RPGRIP1L: variants seen among roughly 807,000 people sequenced by gnomAD.
RPGRIP1L encodes RPGRIP1 like.
Under a neutral mutation model 160.4 loss-of-function variants are expected in RPGRIP1L, and 131 were observed. The observed-to-expected ratio is 0.82, with a 90% CI of 0.71 to 0.94. The LOEUF (loss-of-function observed/expected upper bound fraction) is 0.94, where lower values mean the gene tolerates loss of function less well. RPGRIP1L is among the 40% of genes least tolerant of loss of function. The pLI is 0.00. For missense variants in RPGRIP1L, 1,522 were observed against 1,535.8 expected, an observed-to-expected ratio of 0.99 and a Z score of 0.15; for synonymous variants, 510 against 515.8, an observed-to-expected ratio of 0.99 and a Z score of 0.15.
rs1253902322 is a variant in RPGRIP1L, at chr16:53,668,483, C to T, written c.1103+3027G>A. Among the ~76,000 whole-genome samples, 5 of 152,002 alleles carry T rather than the reference C, an allele frequency of 3.3e-5. No individual in the cohort carries two copies. The East Asian group carries it at 9.6e-4, about 29-fold the overall frequency. ...ATCACATTCAACAGATTTTTTTGGA[C>T]CCAGTCTCAAATTAACTGAATCAGA... On this transcript the variant is annotated intron_variant, in intron 9 of 26. Transcript: ENST00000647211.
chr16:53,645,561 A>G lies in RPGRIP1L; in HGVS notation c.2683+64T>C, dbSNP rs374407373. ...GATTAGTTATAAACGAATCATATCC[A>G]TAACACTAAGGTATAATTTTGTTTT... On this transcript the variant is annotated intron_variant, in intron 17 of 26. Transcript: ENST00000647211. 7.5e-5 allele frequency: 111 copies of G among 1,470,974 alleles called. No homozygotes were observed. In the African/African-American group the frequency reaches 1.4e-3, roughly 18 times the overall value. The allele number at this position is 1,470,974 out of a possible 1,614,324, so 91.1% of individuals were successfully genotyped here.
chr16:53,627,597 G>T (rs1965263478), intron 22 of RPGRIP1L, among the ~76,000 whole-genome samples: 1 of 152,056 alleles, frequency 6.6e-6, no homozygotes, highest in African/African-American at 2.4e-5. Context: ...CTTGAAGTTG[G>T]TTGTATCATT....
At chr16:53,638,443 C>A in intron 19 of RPGRIP1L, 32 bp from the exon 20 acceptor site, 1 of 1,134,192 alleles carries the variant, frequency 8.8e-7, no homozygotes, top group Non-Finnish European at 1.3e-6. Flanking sequence ...GCATGTATGT[C>A]ATTTTTTATT....
intron 25 of RPGRIP1L, among the ~76,000 whole-genome samples, chr16:53,607,076 G>C (rs532162437): frequency 6.6e-6 from 1 of 152,092 alleles, no homozygotes; most frequent in African/African-American, 2.4e-5. Flanking sequence ...GAGTGGTTAA[G>C]GGCATTCATT....
At position 53,662,836 on chromosome 16, in the gene RPGRIP1L, C is replaced by T. The variant is rs755594261; in HGVS notation, c.1243+2034G>A. ...TAGCAATTTTTCTTTAGAAAATAAT[C>T]GGATAAATGTGTAAAAATTTGTGTG... On this transcript the variant is annotated intron_variant, in intron 10 of 26. Transcript: ENST00000647211. 7.9e-5 allele frequency among the ~76,000 whole-genome samples: 12 copies of T among 151,988 alleles called. No individual in the cohort carries two copies. The South Asian group carries it at 2.1e-3, about 26-fold the overall frequency.
In RPGRIP1L at chr16:53,638,359, T is replaced by C. The variant is rs749613626; in HGVS notation, c.3011A>G (p.His1004Arg). 6.2e-7 allele frequency: 1 copy of C among 1,600,972 alleles called. No individual in the cohort carries two copies. The highest frequency in any genetic ancestry group is 8.6e-7 in the Non-Finnish European group (1 of 1,168,486). ...CATATTAATTTCTATTTCTGGTATA[T>C]GCTCTACCTCTGGTGAAATTTCCTT... ...DRKEISPEVE[H>R]IPEIEINMLT... is the part of the protein sequence containing the mutation. Residue 1004 changes from histidine to arginine, a missense_variant, in exon 20 of 27, where the codon CAT (histidine) becomes CGT (arginine). Coordinates refer to ENST00000647211, the MANE Select transcript of RPGRIP1L (RefSeq NM_015272.5).
chr16:53,626,083 T>C (rs1965143495), intron 22 of RPGRIP1L, among the ~76,000 whole-genome samples: 1 of 148,774 alleles, frequency 6.7e-6, no homozygotes, highest in South Asian at 2.1e-4. Flanking sequence ...CTCTCCACTA[T>C]TGTCCTATGA....
chr16:53,695,399 A>G, intron 3 of RPGRIP1L: 1 of 703,016 alleles, frequency 1.4e-6, no homozygotes, highest in Non-Finnish European at 2.6e-6. Flanking sequence ...CTTAGGATGG[A>G]TTCTAAGCAG....
At position 53,606,692 on chromosome 16, in the gene RPGRIP1L, C is replaced by A. The variant is rs962431910; in HGVS notation, c.3702-1078G>T. 2.0e-5 allele frequency among the ~76,000 whole-genome samples: 3 copies of A among 152,278 alleles called. No homozygotes were observed. The East Asian group carries it at 5.8e-4, about 29-fold the overall frequency. On this transcript the variant is annotated intron_variant, in intron 25 of 26. Transcript: ENST00000647211. ...GAAGTGGCGCAATCTTGGCTCACTG[C>A]AACCTCTGCCTCCTGGGTTCAAGCA...
At chr16:53,625,493 G>T (rs1459089346) in intron 22 of RPGRIP1L, among the ~76,000 whole-genome samples, 1 of 140,618 alleles carries the variant, frequency 7.1e-6, no homozygotes, top group Non-Finnish European at 1.5e-5. Context: ...GCGCGCCTCC[G>T]CCCAGCGGCC....
rs1240685707 is a variant in RPGRIP1L at position 53,625,478 on chromosome 16, G to GC, written c.3295-3123_3295-3122insG. The stretch of plus-strand genomic sequence containing the variant: ...GGCAGCCGCCCCATCTGGGGGCTGG[G>GC]GGGGGCGCGCCTCCGCCCAGCGGCC... On this transcript the variant is annotated intron_variant, in intron 22 of 26. Transcript: ENST00000647211. 9.5e-4 allele frequency among the ~76,000 whole-genome samples: 141 copies of GC among 148,640 alleles called. 1 individual carries two copies. The highest frequency in any genetic ancestry group is 3.6e-3 in the Middle Eastern group (1 of 278).
intron 9 of RPGRIP1L, among the ~76,000 whole-genome samples, chr16:53,670,139 A>G (rs570899944): frequency 1.3e-5 from 2 of 152,316 alleles, no homozygotes; most frequent in East Asian, 3.8e-4. Context: ...GTAGGTAAAT[A>G]ACATAGATGA....
intron 22 of RPGRIP1L, among the ~76,000 whole-genome samples, chr16:53,625,343 G>A (rs2150987042): frequency 6.6e-6 from 1 of 150,962 alleles, no homozygotes; most frequent in South Asian, 2.1e-4. Context: ...GCCCCATCTG[G>A]GTGGTGGGGA....
rs769789615 is a variant in RPGRIP1L, at chr16:53,657,440, T to C, written c.1581+13A>G. Reference sequence around the variant, plus strand: ...TAGAAAACTTACTTTCCCCATTTAGTGTATTACATTACCTGATAATCTTTA... The same window carrying C: ...TAGAAAACTTACTTTCCCCATTTAGCGTATTACATTACCTGATAATCTTTA... On this transcript the variant is annotated intron_variant, in intron 13 of 26. Transcript: ENST00000647211. 1.3e-6 allele frequency: 2 copies of C among 1,547,538 alleles called. No individual in the cohort carries two copies. The highest frequency in any genetic ancestry group is 1.8e-6 in the Non-Finnish European group (2 of 1,121,772).
chr16:53,685,846 T>C (rs1181842956), intron 6 of RPGRIP1L, among the ~76,000 whole-genome samples: 1 of 152,134 alleles, frequency 6.6e-6, no homozygotes, highest in East Asian at 1.9e-4. Flanking sequence ...ACACATCCTG[T>C]ACATGTACCC....
chr16:53,641,484 T>G lies in RPGRIP1L; in HGVS notation c.2684-9A>C. On this transcript the variant is annotated splice_polypyrimidine_tract_variant and intron_variant, in intron 17 of 26. Transcript: ENST00000647211. ...TGTTAACTCAAATATTCCTGTCAAA[T>G]TACAATAATTTTAATTAATGCTAGA... 1 of 1,607,870 alleles carries G rather than the reference T, an allele frequency of 6.2e-7. No homozygotes were observed. The highest frequency in any genetic ancestry group is 1.1e-5 in the South Asian group (1 of 90,914).
chr16:53,626,788 G>C (rs1965210429), intron 22 of RPGRIP1L, among the ~76,000 whole-genome samples: 2 of 143,532 alleles, frequency 1.4e-5, no homozygotes, highest in African/African-American at 5.3e-5. Flanking sequence ...CTGGGTGACA[G>C]AGTGAGACCC....
intron 2 of RPGRIP1L, among the ~76,000 whole-genome samples, chr16:53,697,975 G>A (rs554323958): frequency 5.3e-5 from 8 of 151,468 alleles, no homozygotes; most frequent in South Asian, 2.1e-4. Flanking sequence ...CTGCCCGGCC[G>A]CCCATCGTCT....
At chr16:53,695,588 TAAG>T in intron 3 of RPGRIP1L, 1 of 589,000 alleles carries the variant, frequency 1.7e-6, no homozygotes, top group Non-Finnish European at 3.0e-6. Flanking sequence ...TATCTACTCT[TAAG>T]AAATCATTTT....
Sources: gnomAD v4.1 joint callset for allele counts (sites outside exome capture counted in the v4.1 genomes callset) on GRCh38, gnomAD v4.1.1 for gene constraint, MANE v1.5 for transcripts, NCBI Gene and HGNC (gene_info 2026-07-23, HGNC 2026-07-21) for gene names.